Variants in MICU1 observed in about 807,000 individuals in gnomAD.
MICU1 encodes the protein calcium uptake protein 1, mitochondrial.
A neutral mutation model predicts 56.8 loss-of-function variants in MICU1; 45 were observed. The observed-to-expected ratio is 0.79, with a 90% CI of 0.62 to 1.02. The LOEUF (loss-of-function observed/expected upper bound fraction) is 1.02, where lower values mean the gene tolerates loss of function less well. Ranked by LOEUF, MICU1 falls within the 50% of genes least tolerant of loss-of-function variation. The pLI, the probability that MICU1 is intolerant of heterozygous loss-of-function variation, is 0.00. For missense variants in MICU1, 504 were observed against 587.1 expected (o/e 0.86, Z 1.46); for synonymous variants, 186 against 195.1 (o/e 0.95, Z 0.39).
chr10:72,558,494 A>C (rs985568744), intron 3 of MICU1, among the ~76,000 whole-genome samples: 5 of 152,206 alleles, frequency 3.3e-5, no homozygotes, highest in Non-Finnish European at 7.3e-5. Flanking sequence ...AAATTCATTG[A>C]ATAAAACCAG....
chr10:72,440,140 C>T (rs1332758448), intron 8 of MICU1, among the ~76,000 whole-genome samples: 1 of 152,170 alleles, frequency 6.6e-6, no homozygotes, highest in African/African-American at 2.4e-5. Flanking sequence ...CGCTACCTGA[C>T]TTCAAACTAT....
At chr10:72,396,487 T>C (rs11817507) in intron 10 of MICU1, among the ~76,000 whole-genome samples, 10,889 of 152,192 alleles carry the variant, frequency 0.072, 1,335 homozygotes, top group African/African-American at 0.25. Context: ...AACAAACTTC[T>C]CTGAGCTAAA....
At chr10:72,398,855 A>T (rs1280666516) in intron 10 of MICU1, among the ~76,000 whole-genome samples, 4 of 152,244 alleles carry the variant, frequency 2.6e-5, no homozygotes, top group African/African-American at 9.6e-5. Context: ...GCCAAATTCT[A>T]CCAGAGGTAC....
At chr10:72,549,318 G>A (rs561444905) in intron 4 of MICU1, among the ~76,000 whole-genome samples, 1 of 151,314 alleles carries the variant, frequency 6.6e-6, no homozygotes, top group African/African-American at 2.4e-5. Context: ...CGCCTCCCAA[G>A]TAGCTGGGAC....
intron 10 of MICU1, among the ~76,000 whole-genome samples, chr10:72,388,196 G>C (rs1254054826): frequency 6.6e-6 from 1 of 152,216 alleles, no homozygotes. Context: ...AAGTGCAACA[G>C]AGCACTGGTA....
intron 6 of MICU1, among the ~76,000 whole-genome samples, chr10:72,478,175 C>A (rs1866182906): frequency 6.6e-6 from 1 of 152,020 alleles, no homozygotes; most frequent in Non-Finnish European, 1.5e-5. Context: ...GGCCTCAGCC[C>A]CCTATTTCGA....
intron 8 of MICU1, among the ~76,000 whole-genome samples, chr10:72,468,643 A>C (rs947525025): frequency 1.1e-4 from 16 of 152,158 alleles, no homozygotes; most frequent in Non-Finnish European, 2.1e-4. Context: ...GATCAGAATT[A>C]AGAGCATTAA....
intron 10 of MICU1, among the ~76,000 whole-genome samples, chr10:72,403,229 G>A (rs1863515883): frequency 6.6e-6 from 1 of 151,890 alleles, no homozygotes; most frequent in African/African-American, 2.4e-5. Context: ...GTGTGGTGGT[G>A]GGAGCCTGTA....
intron 1 of MICU1, among the ~76,000 whole-genome samples, chr10:72,590,640 C>T (rs896941564): frequency 6.6e-6 from 1 of 151,876 alleles, no homozygotes; most frequent in Non-Finnish European, 1.5e-5. Context: ...GGTGAAACCC[C>T]GTCTCTACTA....
At chr10:72,624,286 G>A (rs754280428) in intron 1 of MICU1, among the ~76,000 whole-genome samples, 28 of 152,026 alleles carry the variant, frequency 1.8e-4, no homozygotes, top group Non-Finnish European at 3.5e-4. Context: ...CCTCAACCTC[G>A]AGGGCTCAAG....
chr10:72,613,305 GCT>G (rs1186946875), intron 1 of MICU1, among the ~76,000 whole-genome samples: 1 of 127,960 alleles, frequency 7.8e-6, no homozygotes, highest in Non-Finnish European at 1.6e-5. Flanking sequence ...ACAGGGTTTT[GCT>G]CTGTCACCCA....
chr10:72,503,640 A>C (rs965920693), intron 6 of MICU1, among the ~76,000 whole-genome samples: 2 of 152,190 alleles, frequency 1.3e-5, no homozygotes, highest in African/African-American at 4.8e-5. Flanking sequence ...AAAAAAATAA[A>C]AGGCATCCAA....
chr10:72,416,484 T>C (rs1287559087), intron 9 of MICU1, among the ~76,000 whole-genome samples: 2 of 152,136 alleles, frequency 1.3e-5, no homozygotes, highest in African/African-American at 4.8e-5. Flanking sequence ...TTCAAATATC[T>C]GAGAATAAGT....
chr10:72,599,747 G>A (rs1841475246), intron 1 of MICU1, among the ~76,000 whole-genome samples: 1 of 151,246 alleles, frequency 6.6e-6, no homozygotes, highest in African/African-American at 2.4e-5. Context: ...ACTTACATTG[G>A]CAACTTCTAT....
intron 5 of MICU1, among the ~76,000 whole-genome samples, chr10:72,532,131 C>G (rs1339451142): frequency 6.6e-6 from 1 of 151,948 alleles, no homozygotes; most frequent in Non-Finnish European, 1.5e-5. Context: ...TCCTGGCTAA[C>G]ACAGTGAAAC....
chr10:72,410,434 C>T (rs193168392), intron 9 of MICU1, among the ~76,000 whole-genome samples: 239 of 152,158 alleles, frequency 1.6e-3, no homozygotes, highest in African/African-American at 5.5e-3. Context: ...CTGACTAACA[C>T]GGAGAAACCC....
intron 8 of MICU1, among the ~76,000 whole-genome samples, chr10:72,455,093 G>A (rs1865416662): frequency 6.6e-6 from 1 of 152,046 alleles, no homozygotes; most frequent in Non-Finnish European, 1.5e-5. Context: ...GCTCATGCCT[G>A]TAATCCAGCA....
At chr10:72,516,793 T>G (rs1214062461) in intron 5 of MICU1, among the ~76,000 whole-genome samples, 1 of 152,340 alleles carries the variant, frequency 6.6e-6, no homozygotes, top group Non-Finnish European at 1.5e-5. Flanking sequence ...CATTGGTCTA[T>G]ATGTCGTTTT....
At chr10:72,601,802 CTT>C (rs199587505) in intron 1 of MICU1, among the ~76,000 whole-genome samples, 26 of 143,508 alleles carry the variant, frequency 1.8e-4, no homozygotes, top group Admixed American at 4.3e-4. Context: ...TTTTCTTTTT[CTT>C]TTTTTTTTTT....
Sources: gnomAD v4.1 joint callset for allele counts (sites outside exome capture counted in the v4.1 genomes callset) on GRCh38, gnomAD v4.1.1 for gene constraint, MANE v1.5 for transcripts, NCBI Gene and HGNC (gene_info 2026-07-23, HGNC 2026-07-21) for gene names.